Variants in SSU72L1 observed in about 807,000 individuals in gnomAD.
SSU72L1 encodes SSU72 like 1, also known as RNA polymerase II subunit A C-terminal domain phosphatase SSU72 like protein 1.
At chr11:4,338,674 C>T in the SSU72L1 span, 39 of 641,568 alleles carry the variant, frequency 6.1e-5, no homozygotes, top group East Asian at 2.1e-4. Flanking sequence ...TAGAAGCAGA[C>T]GGTGTGAAGA....
At chr11:4,338,371 G>A in the SSU72L1 span, among the ~76,000 whole-genome samples, 175 of 149,532 alleles carry the variant, frequency 1.2e-3, no homozygotes, top group East Asian at 0.018. Context: ...GGAAAATGGC[G>A]TCATGGTGGG....
chr11:4,338,847 G>C, the SSU72L1 span: 1 of 746,528 alleles, frequency 1.3e-6, no homozygotes. Context: ...CACGTGCACA[G>C]GCTGAAAGGT....
chr11:4,338,279 C>A, the SSU72L1 span, among the ~76,000 whole-genome samples: 1 of 149,892 alleles, frequency 6.7e-6, no homozygotes, highest in Non-Finnish European at 1.5e-5. Flanking sequence ...AGGTGCTTAT[C>A]TATACAATGT....
the SSU72L1 span, among the ~76,000 whole-genome samples, chr11:4,338,494 C>G: frequency 1.3e-5 from 2 of 151,776 alleles, no homozygotes; most frequent in Middle Eastern, 3.2e-3. Context: ...TTCTCATTTC[C>G]CATAAAATAT....
chr11:4,339,306 C>T, the SSU72L1 span: 3,297 of 533,082 alleles, frequency 6.2e-3, 20 homozygotes, highest in Middle Eastern at 0.028. Flanking sequence ...GACTCGGAGC[C>T]GAGGAGACGA....
chr11:4,338,442 A>C, the SSU72L1 span, among the ~76,000 whole-genome samples: 1 of 152,292 alleles, frequency 6.6e-6, no homozygotes, highest in Non-Finnish European at 1.5e-5. Flanking sequence ...TGCACCTAGC[A>C]CAATGCCAAG....
the SSU72L1 span, among the ~76,000 whole-genome samples, chr11:4,338,356 C>T: frequency 4.1e-3 from 586 of 144,690 alleles, no homozygotes; most frequent in Non-Finnish European, 5.5e-3. Context: ...TCGGTTTGCT[C>T]ATCTGGAAAA....
At chr11:4,338,378 T>TG in the SSU72L1 span, among the ~76,000 whole-genome samples, 1 of 151,820 alleles carries the variant, frequency 6.6e-6, no homozygotes, top group Non-Finnish European at 1.5e-5. Flanking sequence ...GGCGTCATGG[T>TG]GGGCTAGCTT....
chr11:4,338,452 G>A, the SSU72L1 span, among the ~76,000 whole-genome samples: 876 of 135,468 alleles, frequency 6.5e-3, no homozygotes, highest in African/African-American at 0.012. Flanking sequence ...ACAATGCCAA[G>A]CATTTTTCAG....
chr11:4,338,630 T>G, the SSU72L1 span: 2 of 564,178 alleles, frequency 3.5e-6, no homozygotes, highest in Non-Finnish European at 3.2e-6. Context: ...AAGTTCTTAC[T>G]GAGGAAGGGG....
chr11:4,339,330 G>C, the SSU72L1 span: 4 of 525,362 alleles, frequency 7.6e-6, no homozygotes, highest in East Asian at 8.8e-5. Flanking sequence ...CCTATATCCA[G>C]GTCTTCCAAA....
chr11:4,338,649 A>C, the SSU72L1 span: 6 of 581,580 alleles, frequency 1.0e-5, no homozygotes, highest in Non-Finnish European at 1.9e-5. Flanking sequence ...GGACAAAGCC[A>C]GCCCAGGTGT....
chr11:4,338,526 C>G, the SSU72L1 span: 7 of 553,720 alleles, frequency 1.3e-5, no homozygotes, highest in South Asian at 1.6e-4. Flanking sequence ...TAGTCTCTTT[C>G]CAGGTGATGT....
At chr11:4,338,347 C>T in the SSU72L1 span, among the ~76,000 whole-genome samples, 4 of 151,078 alleles carry the variant, frequency 2.6e-5, no homozygotes, top group Admixed American at 2.0e-4. Context: ...ATTATCAGCT[C>T]GGTTTGCTCA....
chr11:4,338,510 T>A, the SSU72L1 span: 1 of 541,710 alleles, frequency 1.8e-6, no homozygotes, highest in Non-Finnish European at 3.2e-6. Flanking sequence ...AATATTTTCT[T>A]GGTAATAGTC....
chr11:4,338,781 AT>A, the SSU72L1 span: 1 of 736,720 alleles, frequency 1.4e-6, no homozygotes, highest in Admixed American at 1.8e-5. Context: ...AATCTCACAG[AT>A]GAGGAAAGCT....
the SSU72L1 span, chr11:4,339,341 C>T: frequency 4.0e-3 from 2,048 of 513,088 alleles, 49 homozygotes; most frequent in South Asian, 0.03. Context: ...GTCTTCCAAA[C>T]GAGCTAATGT....
the SSU72L1 span, chr11:4,338,557 G>C: frequency 1.7e-6 from 1 of 575,178 alleles, no homozygotes; most frequent in Non-Finnish European, 3.1e-6. Flanking sequence ...AACACAAACA[G>C]TACTCAGTGG....
the SSU72L1 span, chr11:4,338,565 T>C: frequency 5.2e-5 from 30 of 579,816 alleles, 1 homozygote; most frequent in African/African-American, 5.3e-4. Context: ...CAGTACTCAG[T>C]GGAAGGTCTT....
Sources: gnomAD v4.1 joint callset for allele counts (sites outside exome capture counted in the v4.1 genomes callset) on GRCh38, gnomAD v4.1.1 for gene constraint, MANE v1.5 for transcripts, NCBI Gene and HGNC (gene_info 2026-07-23, HGNC 2026-07-21) for gene names.